The following HTR1F variants were observed in gnomAD, a reference collection of about 807,000 sequenced individuals.
HTR1F encodes the protein 5-hydroxytryptamine receptor 1F.
Under a neutral mutation model 24.0 loss-of-function variants are expected in HTR1F, and 17 were observed. The observed-to-expected ratio is 0.71, with a 90% CI of 0.48 to 1.06. The LOEUF (loss-of-function observed/expected upper bound fraction) is 1.06, where lower values mean the gene tolerates loss of function less well. Among genes scored for constraint, HTR1F ranks in the 50% least tolerant of loss-of-function variants. The pLI is 0.00. For missense variants in HTR1F, 391 were observed against 427.8 expected, an observed-to-expected ratio of 0.91 and a Z score of 0.76; for synonymous variants, 186 against 156.8, an observed-to-expected ratio of 1.19 and a Z score of -1.39.
At chr3:87,809,779 C>T (rs1240934044) in intron 1 of HTR1F, among the ~76,000 whole-genome samples, 6 of 151,934 alleles carry the variant, frequency 3.9e-5, no homozygotes, top group South Asian at 2.1e-4. Flanking sequence ...CATGATTGTC[C>T]GATCTTTCTA....
chr3:87,842,201 G>A (rs1019313224), intron 2 of HTR1F, among the ~76,000 whole-genome samples: 13 of 151,666 alleles, frequency 8.6e-5, no homozygotes, highest in African/African-American at 2.9e-4. Context: ...TCATTCTGTT[G>A]CCCAGGCTGG....
intron 2 of HTR1F, among the ~76,000 whole-genome samples, chr3:87,958,566 C>A (rs933149606): frequency 6.6e-6 from 1 of 151,588 alleles, no homozygotes; most frequent in Non-Finnish European, 1.5e-5. Flanking sequence ...GGAAGCTAAC[C>A]TAGTCTCCAT....
intron 2 of HTR1F, among the ~76,000 whole-genome samples, chr3:87,885,290 C>A (rs566642816): frequency 1.2e-4 from 19 of 152,090 alleles, no homozygotes; most frequent in African/African-American, 4.6e-4. Flanking sequence ...TCTTTGAAAT[C>A]AATGAGAAAA....
chr3:87,916,823 A>C (rs2107365339), intron 2 of HTR1F, among the ~76,000 whole-genome samples: 1 of 152,280 alleles, frequency 6.6e-6, no homozygotes, highest in Non-Finnish European at 1.5e-5. Context: ...GAAAGTCAAC[A>C]AAGAAACAAT....
chr3:87,963,636 G>A (rs1015359204), intron 2 of HTR1F, among the ~76,000 whole-genome samples: 1 of 152,018 alleles, frequency 6.6e-6, no homozygotes, highest in Non-Finnish European at 1.5e-5. Context: ...TACAATATTA[G>A]GTCTTTGCAG....
chr3:87,866,307 G>A lies in HTR1F; in HGVS notation c.-43+44183G>A, dbSNP rs1321919147. 2.6e-5 allele frequency among the ~76,000 whole-genome samples: 4 copies of A among 152,150 alleles called. No homozygotes were observed. In the East Asian group the frequency reaches 7.7e-4, roughly 29 times the overall value. ...AGGTAGGGTCTGAATGTCTGCTCAG[G>A]TAGGATTTAGAGCTGCTAGTCAGAG... On this transcript the variant is annotated intron_variant, in intron 2 of 2. Coordinates refer to ENST00000319595, the MANE Select transcript of HTR1F (RefSeq NM_001322209.2).
chr3:87,803,652 G>A (rs1704029552), intron 1 of HTR1F, among the ~76,000 whole-genome samples: 1 of 151,032 alleles, frequency 6.6e-6, no homozygotes, highest in Admixed American at 6.6e-5. Flanking sequence ...GTAGGGAAGT[G>A]CTTTCTCAGT....
rs147256479 is a variant in HTR1F at position 87,815,099 on chromosome 3, C to G, written c.-159-6909C>G. ...AATGTGGAAAGGGTATTGAGTGGAC[C>G]AACCTATGGTATTTGCTACAAAAAT... On this transcript the variant is annotated intron_variant, in intron 1 of 2. Coordinates refer to ENST00000319595, the MANE Select transcript of HTR1F (RefSeq NM_001322209.2). Among the ~76,000 whole-genome samples the G allele has an allele frequency of 3.2e-4, 49 of 152,142 alleles. 2 individuals are homozygous for G. The highest frequency in any genetic ancestry group is 1.0e-3 in the African/African-American group (43 of 41,530).
chr3:87,832,088 T>C (rs144230215), intron 2 of HTR1F, among the ~76,000 whole-genome samples: 3 of 152,212 alleles, frequency 2.0e-5, no homozygotes, highest in Non-Finnish European at 4.4e-5. Context: ...AGAGCCTGTG[T>C]TCATAACCAC....
chr3:87,910,608 T>C (rs148702356), intron 2 of HTR1F, among the ~76,000 whole-genome samples: 145 of 152,164 alleles, frequency 9.5e-4, no homozygotes, highest in African/African-American at 3.4e-3. Flanking sequence ...AACTCAACAT[T>C]GGACCAAATG....
intron 2 of HTR1F, among the ~76,000 whole-genome samples, chr3:87,908,150 A>AT (rs1387825771): frequency 6.6e-6 from 1 of 152,012 alleles, no homozygotes; most frequent in Non-Finnish European, 1.5e-5. Flanking sequence ...CCCATCAGAG[A>AT]TTTTATTCAA....
intron 2 of HTR1F, among the ~76,000 whole-genome samples, chr3:87,970,006 C>A (rs1705252853): frequency 6.6e-6 from 1 of 152,190 alleles, no homozygotes; most frequent in Non-Finnish European, 1.5e-5. Flanking sequence ...TTGCCTTCTG[C>A]CATGATTGTG....
chr3:87,912,034 CTATTCAACATAG>C (rs1703789211), intron 2 of HTR1F, among the ~76,000 whole-genome samples: 1 of 152,082 alleles, frequency 6.6e-6, no homozygotes, highest in Non-Finnish European at 1.5e-5. Context: ...ATCACCACTC[CTATTCAACATAG>C]TATTGTAAGT....
chr3:87,810,991 A>G (rs992725231), intron 1 of HTR1F, among the ~76,000 whole-genome samples: 4 of 152,218 alleles, frequency 2.6e-5, no homozygotes, highest in African/African-American at 7.2e-5. Context: ...TATTCCCCAG[A>G]TAACTTGACT....
chr3:87,982,008 T>C (rs1338145281), intron 2 of HTR1F, among the ~76,000 whole-genome samples: 1 of 152,082 alleles, frequency 6.6e-6, no homozygotes, highest in Admixed American at 6.5e-5. Flanking sequence ...CTCAGCTCAC[T>C]GCAACTCCAC....
intron 2 of HTR1F, among the ~76,000 whole-genome samples, chr3:87,858,445 C>T (rs766311508): frequency 6.6e-6 from 1 of 152,162 alleles, no homozygotes; most frequent in African/African-American, 2.4e-5. Context: ...GTCAACGTGG[C>T]ATGCACTTCA....
intron 2 of HTR1F, among the ~76,000 whole-genome samples, chr3:87,952,955 ATAAG>A (rs1704866700): frequency 1.3e-5 from 2 of 151,886 alleles, no homozygotes; most frequent in South Asian, 2.1e-4. Context: ...TTTTATCAAA[ATAAG>A]TAATAACTAA....
At chr3:87,812,739 G>A (rs1704182499) in intron 1 of HTR1F, among the ~76,000 whole-genome samples, 1 of 152,200 alleles carries the variant, frequency 6.6e-6, no homozygotes, top group Non-Finnish European at 1.5e-5. Flanking sequence ...GCCTGGCCAA[G>A]GGCCACTCTG....
chr3:87,944,503 C>T (rs1420119359), intron 2 of HTR1F, among the ~76,000 whole-genome samples: 3 of 152,196 alleles, frequency 2.0e-5, no homozygotes, highest in African/African-American at 7.2e-5. Context: ...TGGGAGGAAC[C>T]ATCTATCGTC....
Sources: allele counts gnomAD v4.1 joint callset (sites outside exome capture counted in the v4.1 genomes callset), GRCh38; gene constraint gnomAD v4.1.1; transcripts MANE v1.5; gene names NCBI Gene and HGNC (gene_info 2026-07-23, HGNC 2026-07-21).